The following DCHS2 variants were observed in gnomAD, a reference collection of about 807,000 sequenced individuals.
The protein encoded by DCHS2 is dachsous cadherin-related 2, also known as protocadherin-23.
In DCHS2, 142 loss-of-function variants were observed where a neutral mutation model predicts 182.4. That is an observed-to-expected ratio of 0.78 (90% confidence interval 0.68 to 0.89). The LOEUF is 0.89. DCHS2 is among the 40% of genes least tolerant of loss of function. The pLI is 0.00. For missense variants in DCHS2, 4,319 were observed against 4,198.6 expected (o/e 1.03, Z -0.79); for synonymous variants, 1,740 against 1,663.3 (o/e 1.05, Z -1.12).
Position 154,234,847 on chromosome 4 carries a change from T to G in DCHS2, c.9805A>C (p.Lys3269Gln), listed in dbSNP as rs967166240. ...GGAAAAACAAAAGATTTCTTCTCTT[T>G]TGGAATGCCAGGCATATGCAAATGT... The part of the protein sequence containing the change: ...DEHLHMPGIP[K>Q]EKKSFVFPPP... Residue 3269 changes from lysine (K) to glutamine (Q), a missense_variant, in exon 20 of 20, where the codon AAA becomes CAA. Physicochemically the swap from Lys to Gln is moderately conservative, Grantham distance 53. Coordinates refer to ENST00000357232, the MANE Select transcript of DCHS2 (RefSeq NM_001358235.2). The G allele has an allele frequency of 2.5e-6, 4 of 1,613,954 alleles. No homozygotes were observed. The highest frequency in any genetic ancestry group is 8.5e-7 in the Non-Finnish European group (1 of 1,179,974).
chr4:154,346,268 A>G (rs1484966327), intron 3 of DCHS2, among the ~76,000 whole-genome samples: 1 of 152,220 alleles, frequency 6.6e-6, no homozygotes, highest in African/African-American at 2.4e-5. Context: ...ACATTATTAT[A>G]CATCTGTAAC....
chr4:154,237,132 A>C lies in DCHS2; in HGVS notation c.7520T>G (p.Leu2507Ter), dbSNP rs146298768. 5,668 of 1,612,574 alleles carry C rather than the reference A, an allele frequency of 3.5e-3. 13 individuals are homozygous for C. The highest frequency in any genetic ancestry group is 4.6e-3 in the Non-Finnish European group (5,465 of 1,179,552). The change falls in exon 20 of 20, where the codon TTA becomes TGA. Residue 2507 changes from leucine to a stop codon, truncating the protein, a stop_gained. Transcript: ENST00000357232. LOFTEE classifies it low-confidence loss of function (END_TRUNC). ...NGTIFTISPVLLLDTISTTQF... is the reference protein window; with the variant it reads ...NGTIFTISPV ...AGTTGTTGATATTGTATCCAGAAGT[A>C]ATACGGGACTGATAGTAAATATTGT...
intron 1 of DCHS2, among the ~76,000 whole-genome samples, chr4:154,405,548 G>A (rs1347567717): frequency 2.0e-5 from 3 of 151,894 alleles, no homozygotes; most frequent in African/African-American, 7.2e-5. Flanking sequence ...TATTGTGCCA[G>A]AGTTTACTAA....
At position 154,301,215 on chromosome 4, in the gene DCHS2, C is replaced by T. The variant is rs976341267; in HGVS notation, c.5606-2507G>A. Among the ~76,000 whole-genome samples the T allele has an allele frequency of 2.6e-5, 4 of 152,258 alleles. No individual in the cohort carries two copies. The East Asian group carries it at 7.7e-4, about 29-fold the overall frequency. Reference sequence around the variant, plus strand: ...GTCAAAACAGTGACTGATTTTAATGCCTGGGAAGATATCCTTATGCAGTGG... The same window carrying T: ...GTCAAAACAGTGACTGATTTTAATGTCTGGGAAGATATCCTTATGCAGTGG... On this transcript the variant is annotated intron_variant, in intron 12 of 19. Transcript: ENST00000357232.
intron 1 of DCHS2, among the ~76,000 whole-genome samples, chr4:154,462,825 A>G (rs1376410607): frequency 6.6e-6 from 1 of 152,168 alleles, no homozygotes; most frequent in Non-Finnish European, 1.5e-5. Flanking sequence ...AAAGACTATG[A>G]ACGAGAGATC....
At chr4:154,458,104 TTAAAA>T (rs1262055420) in intron 1 of DCHS2, among the ~76,000 whole-genome samples, 1 of 151,846 alleles carries the variant, frequency 6.6e-6, no homozygotes, top group African/African-American at 2.4e-5. Context: ...TTCTTGCCAA[TTAAAA>T]TGAGTTAAAA....
intron 14 of DCHS2, among the ~76,000 whole-genome samples, chr4:154,263,522 A>G (rs1463118903): frequency 6.6e-6 from 1 of 152,060 alleles, no homozygotes; most frequent in Non-Finnish European, 1.5e-5. Context: ...TTTTGTTCCA[A>G]AGATTTCTAC....
intron 14 of DCHS2, among the ~76,000 whole-genome samples, chr4:154,267,854 T>G (rs12509842): frequency 0.059 from 8,926 of 152,258 alleles, 514 homozygotes; most frequent in Admixed American, 0.18. Flanking sequence ...CCAAACCTAT[T>G]TCCAAATCTG....
chr4:154,412,868 G>T (rs1732686940), intron 1 of DCHS2, among the ~76,000 whole-genome samples: 2 of 152,190 alleles, frequency 1.3e-5, no homozygotes, highest in Admixed American at 1.3e-4. Flanking sequence ...ACATGGTCTT[G>T]TTCGACACAG....
In DCHS2 at chr4:154,383,481, A is replaced by G. The variant is rs761693046; in HGVS notation, c.2053-6037T>C. Among the ~76,000 whole-genome samples, 96 of 152,334 alleles carry G rather than the reference A, an allele frequency of 6.3e-4. 2 individuals carry two copies. Among genetic ancestry groups the G allele is most frequent in the Admixed American group, 5.0e-3 (76 of 15,294 alleles). ...TGAATCTAAAATAAAGGTTGAAATT[A>G]CAAAAAATAAAGTAAAATACAAATA... On this transcript the variant is annotated intron_variant, in intron 1 of 19. Coordinates refer to ENST00000357232, the MANE Select transcript of DCHS2 (RefSeq NM_001358235.2).
intron 1 of DCHS2, among the ~76,000 whole-genome samples, chr4:154,461,959 A>G (rs1194520307): frequency 6.6e-6 from 1 of 152,190 alleles, no homozygotes; most frequent in Admixed American, 6.5e-5. Context: ...AAGGCCCTGC[A>G]CTTGATGTTA....
At chr4:154,486,626 G>A (rs1349331139) in intron 1 of DCHS2, 1 of 1,097,736 alleles carries the variant, frequency 9.1e-7, no homozygotes, top group African/African-American at 1.6e-5. Context: ...GGTGTCATGA[G>A]ATTCAAAGGC....
At chr4:154,284,820 C>T (rs553375811) in intron 13 of DCHS2, among the ~76,000 whole-genome samples, 267 of 152,248 alleles carry the variant, frequency 1.8e-3, no homozygotes, top group Non-Finnish European at 3.3e-3. Context: ...GACCACAATT[C>T]CTGGATAAGG....
chr4:154,422,076 T>C (rs986217920), intron 1 of DCHS2, among the ~76,000 whole-genome samples: 2 of 152,334 alleles, frequency 1.3e-5, no homozygotes, highest in East Asian at 3.9e-4. Context: ...ATTTTCTTCC[T>C]ACTTCTCTAA....
chr4:154,307,609 C>G (rs1054198817), intron 10 of DCHS2, among the ~76,000 whole-genome samples: 2 of 152,188 alleles, frequency 1.3e-5, no homozygotes, highest in South Asian at 4.1e-4. Context: ...CATAGTTTCT[C>G]AGGTCCTGGG....
intron 7 of DCHS2, among the ~76,000 whole-genome samples, chr4:154,323,710 C>T (rs1328109249): frequency 1.3e-5 from 2 of 152,108 alleles, no homozygotes; most frequent in Non-Finnish European, 2.9e-5. Context: ...ACAGTCAAAA[C>T]TTTGTTTCAT....
chr4:154,459,375 T>G (rs535937798), intron 1 of DCHS2, among the ~76,000 whole-genome samples: 1 of 152,148 alleles, frequency 6.6e-6, no homozygotes, highest in East Asian at 1.9e-4. Context: ...GAATTTTACG[T>G]TTCATTAAAA....
At chr4:154,421,334 C>G (rs1369374516) in intron 1 of DCHS2, among the ~76,000 whole-genome samples, 4 of 152,084 alleles carry the variant, frequency 2.6e-5, no homozygotes, top group Admixed American at 2.0e-4. Context: ...CCTTTGCAGT[C>G]TGAAAGTTTC....
chr4:154,424,265 A>G (rs1019474966), intron 1 of DCHS2, among the ~76,000 whole-genome samples: 1 of 152,232 alleles, frequency 6.6e-6, no homozygotes, highest in Non-Finnish European at 1.5e-5. Context: ...ATTCAGGGAT[A>G]TAAGTACAAT....
Sources: allele counts gnomAD v4.1 joint callset (sites outside exome capture counted in the v4.1 genomes callset), GRCh38; gene constraint gnomAD v4.1.1; transcripts MANE v1.5; gene names NCBI Gene and HGNC (gene_info 2026-07-23, HGNC 2026-07-21).